The following CFAP299 variants were observed in gnomAD, a reference collection of about 807,000 sequenced individuals.
The protein encoded by CFAP299 is cilia and flagella associated protein 299, also known as cilia- and flagella-associated protein 299.
In CFAP299, 21 loss-of-function variants were observed where a neutral mutation model predicts 27.0. That is an observed-to-expected ratio of 0.78 (90% CI 0.55 to 1.12). CFAP299 has a LOEUF of 1.12. Among genes scored for constraint, CFAP299 ranks in the 50% most tolerant of loss-of-function variants. The pLI, the probability that CFAP299 is intolerant of heterozygous loss-of-function variation, is 0.00. For missense variants in CFAP299, 310 were observed against 276.6 expected (o/e 1.12, Z -0.86); for synonymous variants, 104 against 98.1 (o/e 1.06, Z -0.36).
intron 3 of CFAP299, among the ~76,000 whole-genome samples, chr4:80,774,548 A>C (rs1450788419): frequency 6.6e-6 from 1 of 152,026 alleles, no homozygotes; most frequent in African/African-American, 2.4e-5. Context: ...CAGAAGAATT[A>C]GAAGTGGTCA....
intron 2 of CFAP299, among the ~76,000 whole-genome samples, chr4:80,518,559 G>T (rs1732706017): frequency 2.0e-5 from 3 of 151,912 alleles, no homozygotes. Flanking sequence ...CATGAAAAAT[G>T]GATTTTTTTT....
chr4:80,378,702 T>G (rs371469433), intron 2 of CFAP299, among the ~76,000 whole-genome samples: 7 of 152,158 alleles, frequency 4.6e-5, no homozygotes, highest in African/African-American at 1.7e-4. Flanking sequence ...TTTTAGTTTG[T>G]TGATAAAGTG....
intron 2 of CFAP299, among the ~76,000 whole-genome samples, chr4:80,424,510 G>A (rs1025069329): frequency 3.3e-5 from 5 of 152,174 alleles, no homozygotes; most frequent in African/African-American, 1.2e-4. Flanking sequence ...TCTCAAAGAT[G>A]ATGTAATCAA....
At chr4:80,814,913 A>G (rs567013626) in intron 3 of CFAP299, among the ~76,000 whole-genome samples, 3 of 152,178 alleles carry the variant, frequency 2.0e-5, no homozygotes, top group African/African-American at 7.2e-5. Context: ...GGAAGTGCCT[A>G]AAGGGATATA....
At chr4:80,890,019 T>C in intron 4 of CFAP299, among the ~76,000 whole-genome samples, 1 of 152,126 alleles carries the variant, frequency 6.6e-6, no homozygotes, top group East Asian at 1.9e-4. Flanking sequence ...GCTAATATCA[T>C]ACTGAATGAG....
chr4:80,399,722 G>T (rs1024429933), intron 2 of CFAP299, among the ~76,000 whole-genome samples: 1 of 151,180 alleles, frequency 6.6e-6, no homozygotes, highest in Non-Finnish European at 1.5e-5. Context: ...GATAGCATTA[G>T]GAGATATACC....
intron 2 of CFAP299, among the ~76,000 whole-genome samples, chr4:80,391,754 T>C (rs1725493576): frequency 6.6e-6 from 1 of 152,072 alleles, no homozygotes; most frequent in Non-Finnish European, 1.5e-5. Context: ...TACTGCTTGA[T>C]CCCAGGAGTT....
intron 3 of CFAP299, among the ~76,000 whole-genome samples, chr4:80,665,491 G>C (rs1741102431): frequency 1.3e-5 from 2 of 151,758 alleles, no homozygotes; most frequent in African/African-American, 4.8e-5. Flanking sequence ...CTGTACATTT[G>C]TTGTATCCTT....
intron 3 of CFAP299, among the ~76,000 whole-genome samples, chr4:80,834,553 C>G (rs757456833): frequency 1.5e-4 from 23 of 152,130 alleles, no homozygotes; most frequent in Non-Finnish European, 2.6e-4. Flanking sequence ...CTGAAAATGT[C>G]CAGTCTGTTT....
chr4:80,875,402 C>T (rs1436494446), intron 4 of CFAP299, among the ~76,000 whole-genome samples: 1 of 152,164 alleles, frequency 6.6e-6, no homozygotes, highest in Admixed American at 6.5e-5. Context: ...TGGCTCACGC[C>T]TGTAATCCCA....
Position 80,443,321 on chromosome 4 carries a change from G to C in CFAP299, c.242+80437G>C, listed in dbSNP as rs372532873. On this transcript the variant is annotated intron_variant, in intron 2 of 5. Transcript: ENST00000358105. ...ACCGAATCCAGCAGCACATCAAAAA[G>C]CTTATCCACCATGATCAAGTCACCT... Among the ~76,000 whole-genome samples the C allele has an allele frequency of 3.3e-4, 50 of 152,278 alleles. No individual in the cohort carries two copies. The South Asian group carries it at 0.01, about 31-fold the overall frequency.
chr4:80,846,287 G>A (rs1731179870), intron 3 of CFAP299, among the ~76,000 whole-genome samples: 1 of 152,172 alleles, frequency 6.6e-6, no homozygotes, highest in African/African-American at 2.4e-5. Flanking sequence ...TGGTCAGATG[G>A]TAAAGGAGAG....
intron 3 of CFAP299, among the ~76,000 whole-genome samples, chr4:80,659,484 A>G (rs1364592297): frequency 3.9e-5 from 6 of 152,082 alleles, no homozygotes; most frequent in Admixed American, 1.3e-4. Context: ...AATAATAGGG[A>G]AAAATCTTAA....
chr4:80,354,522 T>C (rs1010020022), intron 1 of CFAP299, among the ~76,000 whole-genome samples: 5 of 152,212 alleles, frequency 3.3e-5, no homozygotes, highest in Non-Finnish European at 7.3e-5. Context: ...TATATGACTT[T>C]TTTTTCACTT....
intron 2 of CFAP299, among the ~76,000 whole-genome samples, chr4:80,487,821 C>A (rs1366791391): frequency 1.3e-5 from 2 of 152,140 alleles, no homozygotes; most frequent in Non-Finnish European, 2.9e-5. Flanking sequence ...AGATGGCCAG[C>A]AAAGAGCCAT....
intron 3 of CFAP299, among the ~76,000 whole-genome samples, chr4:80,843,452 G>T (rs1045276901): frequency 6.6e-6 from 1 of 152,088 alleles, no homozygotes; most frequent in African/African-American, 2.4e-5. Flanking sequence ...GTGTATATGT[G>T]CCACATTTTC....
At chr4:80,713,786 A>G (rs1251981976) in intron 3 of CFAP299, among the ~76,000 whole-genome samples, 1 of 152,234 alleles carries the variant, frequency 6.6e-6, no homozygotes, top group Non-Finnish European at 1.5e-5. Context: ...CTTTACATTT[A>G]CACAAAATAA....
At position 80,853,278 on chromosome 4, in the gene CFAP299, G is replaced by A. The variant is rs188625838; in HGVS notation, c.334-16715G>A. On this transcript the variant is annotated intron_variant, in intron 3 of 5. Coordinates refer to ENST00000358105, the MANE Select transcript of CFAP299 (RefSeq NM_152770.3). ...ACTCCTGACCTCAGGTGATTCACCC[G>A]CCTCGACCTCCCAAAGTGCTGGGAT... 4.7e-4 allele frequency among the ~76,000 whole-genome samples: 71 copies of A among 152,166 alleles called. No homozygotes were observed. In the East Asian group the frequency reaches 0.01, roughly 22 times the overall value.
chr4:80,747,373 TA>T (rs1431233102), intron 3 of CFAP299, among the ~76,000 whole-genome samples: 1 of 152,044 alleles, frequency 6.6e-6, no homozygotes, highest in Non-Finnish European at 1.5e-5. Flanking sequence ...ACACTATCAC[TA>T]AACAGGAGTA....
Sources: gnomAD v4.1 joint callset for allele counts (sites outside exome capture counted in the v4.1 genomes callset) on GRCh38, gnomAD v4.1.1 for gene constraint, MANE v1.5 for transcripts, NCBI Gene and HGNC (gene_info 2026-07-23, HGNC 2026-07-21) for gene names.